PPP2R3B: variants seen among roughly 807,000 people sequenced by gnomAD.
The protein encoded by PPP2R3B is protein phosphatase 2 regulatory subunit B''beta.
PPP2R3B carries 68 observed loss-of-function variants against 72.9 expected under a neutral mutation model. That is an observed-to-expected ratio of 0.93 (90% confidence interval 0.77 to 1.14). The LOEUF is 1.14. PPP2R3B is among the 50% of genes most tolerant of loss of function. PPP2R3B has a pLI of 0.00. For missense variants in PPP2R3B, 1,018 were observed against 842.0 expected (o/e 1.21, Z -2.59); for synonymous variants, 466 against 375.8 (o/e 1.24, Z -2.78).
chrX:368,682 C>T (rs1193214242), intron 1 of PPP2R3B, among the ~76,000 whole-genome samples: 1 of 91,804 alleles, frequency 1.1e-5, no homozygotes, highest in Non-Finnish European at 2.2e-5. Flanking sequence ...GGGGGAAGGC[C>T]GGGACCACCC....
chrX:339,144 A>AT (rs200835175), intron 10 of PPP2R3B, among the ~76,000 whole-genome samples: 2,344 of 66,584 alleles, frequency 0.035, 72 homozygotes, highest in African/African-American at 0.095. Flanking sequence ...GTGGACTGGG[A>AT]CTAGCGCAGG....
At chrX:364,259 C>G (rs1009462176) in intron 1 of PPP2R3B, among the ~76,000 whole-genome samples, 3 of 152,200 alleles carry the variant, frequency 2.0e-5, no homozygotes, top group African/African-American at 7.2e-5. Context: ...AAGTAGCAGC[C>G]TTCACCTGGA....
At position 334,230 on chromosome X, in the gene PPP2R3B, C is replaced by G; in HGVS notation, c.*137G>C. On this transcript the variant is annotated 3_prime_UTR_variant, in exon 13 of 13. Transcript: ENST00000390665. ...GCCACGAACCCACAGCGGCAATCAA[C>G]ACGCTTCTGTGAATAAATAAAAGTT... The G allele has an allele frequency of 1.8e-6, 2 of 1,099,962 alleles. No individual in the cohort carries two copies. The highest frequency in any genetic ancestry group is 2.4e-6 in the Non-Finnish European group (2 of 832,764). 68.1% of individuals were successfully genotyped at this position (1,099,962 alleles called of 1,614,324 possible).
intron 2 of PPP2R3B, 100 bp downstream of exon 2, chrX:361,303 ACT>A: frequency 1.7e-5 from 6 of 357,968 alleles, no homozygotes; most frequent in South Asian, 3.2e-5. Flanking sequence ...GTGCCGCCTC[ACT>A]CACGCTCGTG....
intron 1 of PPP2R3B, among the ~76,000 whole-genome samples, chrX:371,417 G>A (rs1466439806): frequency 6.6e-6 from 1 of 152,134 alleles, no homozygotes; most frequent in Non-Finnish European, 1.5e-5. Context: ...AAGGATGCCG[G>A]TGACAGGGAA....
At chrX:345,156 G>T in intron 7 of PPP2R3B, 1 of 529,340 alleles carries the variant, frequency 1.9e-6, no homozygotes, top group Non-Finnish European at 3.6e-6. Context: ...TTGGGGGCTG[G>T]AACCTGGAGC....
chrX:341,781 C>T (rs1014943071), intron 8 of PPP2R3B, 102 bp downstream of exon 8: 17 of 1,283,054 alleles, frequency 1.3e-5, no homozygotes, highest in Middle Eastern at 2.1e-4. Flanking sequence ...GACAACCACT[C>T]GCTGTCGGGG....
intron 1 of PPP2R3B, among the ~76,000 whole-genome samples, chrX:379,353 T>C (rs772981058): frequency 6.6e-6 from 1 of 150,394 alleles, no homozygotes; most frequent in Admixed American, 6.6e-5. Flanking sequence ...TGCACCTGTG[T>C]GTATGCACCT....
At position 347,350 on chromosome X, in the gene PPP2R3B, A is replaced by G; in HGVS notation, c.615-14T>C. On this transcript the variant is annotated splice_polypyrimidine_tract_variant and intron_variant, in intron 3 of 12. Transcript: ENST00000390665. ...TTCTGGAGGATTCTGGAAGGACAGG[A>G]TGACTGGGCACCACCCTCACAGGGG... The G allele has an allele frequency of 6.2e-7, 1 of 1,612,364 alleles. No individual in the cohort carries two copies. The highest frequency in any genetic ancestry group is 8.5e-7 in the Non-Finnish European group (1 of 1,178,626).
intron 2 of PPP2R3B, among the ~76,000 whole-genome samples, chrX:356,687 A>T (rs1481077475): frequency 6.6e-6 from 1 of 152,202 alleles, no homozygotes; most frequent in East Asian, 1.9e-4. Context: ...AAGCAACCAG[A>T]CGTCTATCAA....
At chrX:354,095 CAGGGGCTCGCCCAAACACA>C in intron 2 of PPP2R3B, among the ~76,000 whole-genome samples, 1 of 137,260 alleles carries the variant, frequency 7.3e-6, no homozygotes, top group African/African-American at 3.2e-5. Flanking sequence ...ACCCAGGGAC[CAGGGGCTCGCCCAAACACA>C]GGGGGCTCAC....
chrX:347,411 CGTGTGTG>C, intron 3 of PPP2R3B, 75 bp from the exon 4 acceptor site: 3 of 1,446,250 alleles, frequency 2.1e-6, no homozygotes, highest in Non-Finnish European at 2.9e-6. Context: ...GGGTGGAACA[CGTGTGTG>C]GTGTTCCACG....
At chrX:370,843 A>G (rs902183366) in intron 1 of PPP2R3B, among the ~76,000 whole-genome samples, 1 of 152,210 alleles carries the variant, frequency 6.6e-6, no homozygotes, top group African/African-American at 2.4e-5. Flanking sequence ...ACCACGCTGA[A>G]GTCAGTTCCA....
intron 2 of PPP2R3B, among the ~76,000 whole-genome samples, chrX:350,605 C>T (rs1444822838): frequency 6.6e-6 from 1 of 152,218 alleles, no homozygotes; most frequent in Non-Finnish European, 1.5e-5. Context: ...GGGAAGCGCC[C>T]AGCACTGGCG....
chrX:385,429 C>G (rs185748364), intron 1 of PPP2R3B, among the ~76,000 whole-genome samples: 2 of 148,810 alleles, frequency 1.3e-5, no homozygotes, highest in Non-Finnish European at 3.0e-5. Context: ...CTCAGCCTCC[C>G]GGGTAGCTGA....
intron 1 of PPP2R3B, among the ~76,000 whole-genome samples, chrX:363,234 A>T (rs758399540): frequency 6.7e-6 from 1 of 150,234 alleles, no homozygotes; most frequent in Non-Finnish European, 1.5e-5. Flanking sequence ...CCGCGATCCC[A>T]CAGTGCATCT....
intron 7 of PPP2R3B, chrX:345,046 G>A (rs2071167097): frequency 2.6e-6 from 1 of 389,310 alleles, no homozygotes; most frequent in African/African-American, 2.1e-5. Context: ...TGGCTGCTGT[G>A]AGGACACCTG....
At position 338,593 on chromosome X, in the gene PPP2R3B, T is replaced by A; in HGVS notation, c.1577+11A>T. ...GACCCGTCCCCCCACTCACCCGTCC[T>A]CCCCACTCACCCGTCCTCCCAGGGC... On this transcript the variant is annotated intron_variant, in intron 12 of 12. Transcript: ENST00000390665. 3 of 1,569,014 alleles carry A rather than the reference T, an allele frequency of 1.9e-6. No homozygotes were observed. Among genetic ancestry groups the A allele is most frequent in the Non-Finnish European group, 1.7e-6 (2 of 1,161,956 alleles).
At position 351,045 on chromosome X, in the gene PPP2R3B, C is replaced by T. The variant is rs745932824; in HGVS notation, c.511-3352G>A. On this transcript the variant is annotated intron_variant, in intron 2 of 12. Transcript: ENST00000390665. ...GTGGGGGACTGCAGAGGGGGCTGCG[C>T]GCCACAGCGGGGATTGCAGTGCTGC... Among the ~76,000 whole-genome samples, 15 of 152,250 alleles carry T rather than the reference C, an allele frequency of 9.9e-5. No homozygotes were observed. In the South Asian group the frequency reaches 1.9e-3, roughly 19 times the overall value.
Sources: gnomAD v4.1 joint callset for allele counts (sites outside exome capture counted in the v4.1 genomes callset) on GRCh38, gnomAD v4.1.1 for gene constraint, MANE v1.5 for transcripts, NCBI Gene and HGNC (gene_info 2026-07-23, HGNC 2026-07-21) for gene names.